Variants in FHIT observed in about 807,000 individuals in gnomAD.
FHIT encodes the protein fragile histidine triad diadenosine triphosphatase, also known as bis(5'-adenosyl)-triphosphatase.
A neutral mutation model predicts 17.9 loss-of-function variants in FHIT; 19 were observed. The ratio of observed to expected loss-of-function variants is 1.06; its 90% CI spans 0.74 to 1.56. FHIT has a LOEUF of 1.56. FHIT is among the 40% of genes most tolerant of loss of function. FHIT has a pLI of 0.00. For synonymous variants in FHIT, 81 were observed against 69.7 expected, an observed-to-expected ratio of 1.16 and a Z score of -0.81; for missense variants, 248 against 189.2, an observed-to-expected ratio of 1.31 and a Z score of -1.82.
chr3:60,884,064 A>G (rs1705098459), intron 3 of FHIT, among the ~76,000 whole-genome samples: 1 of 152,226 alleles, frequency 6.6e-6, no homozygotes, highest in Non-Finnish European at 1.5e-5. Context: ...ACCTGAATAG[A>G]CATTTCTTAA....
intron 2 of FHIT, among the ~76,000 whole-genome samples, chr3:61,145,196 T>C (rs1425672569): frequency 6.6e-6 from 1 of 152,156 alleles, no homozygotes; most frequent in Non-Finnish European, 1.5e-5. Flanking sequence ...ATGATCCATA[T>C]TGAGCTAATT....
chr3:60,789,175 T>TATATATATAG (rs1433649739), intron 4 of FHIT, among the ~76,000 whole-genome samples: 2 of 102,636 alleles, frequency 1.9e-5, no homozygotes, highest in African/African-American at 6.9e-5. Context: ...TATATATATA[T>TATATATATAG]AGAGAGAGAG....
intron 5 of FHIT, among the ~76,000 whole-genome samples, chr3:60,017,372 C>T (rs975072743): frequency 6.6e-6 from 1 of 152,184 alleles, no homozygotes; most frequent in African/African-American, 2.4e-5. Flanking sequence ...TACCAGCTTG[C>T]CTGAACTGGA....
At chr3:60,392,743 G>C (rs1437242720) in intron 5 of FHIT, among the ~76,000 whole-genome samples, 1 of 152,186 alleles carries the variant, frequency 6.6e-6, no homozygotes, top group Non-Finnish European at 1.5e-5. Context: ...TGATCCTGAA[G>C]ATAAAGCATA....
chr3:60,169,201 G>C (rs1057319430), intron 5 of FHIT, among the ~76,000 whole-genome samples: 1 of 152,218 alleles, frequency 6.6e-6, no homozygotes, highest in South Asian at 2.1e-4. Flanking sequence ...TCCTGCCCCC[G>C]TTCCTGCCAC....
Position 60,063,344 on chromosome 3 carries a change from T to G in FHIT, c.104-49192A>C, listed in dbSNP as rs114874148. 4.9e-3 allele frequency among the ~76,000 whole-genome samples: 741 copies of G among 152,298 alleles called. 5 individuals are homozygous for G. The highest frequency in any genetic ancestry group is 0.017 in the African/African-American group (693 of 41,552). The stretch of plus-strand genomic sequence containing the variant: ...AGCAAAATAAAAATCATCTTGTGTT[T>G]CAAGAAACTGATATACTCCAGATAC... On this transcript the variant is annotated intron_variant, in intron 5 of 9. Coordinates refer to ENST00000492590, the MANE Select transcript of FHIT (RefSeq NM_002012.4).
At chr3:61,057,279 C>A (rs565249035) in intron 2 of FHIT, among the ~76,000 whole-genome samples, 2 of 152,198 alleles carry the variant, frequency 1.3e-5, no homozygotes, top group African/African-American at 2.4e-5. Context: ...GAAATTCATA[C>A]CTACTTTTGT....
chr3:60,308,307 C>G (rs1032518236), intron 5 of FHIT, among the ~76,000 whole-genome samples: 8 of 151,012 alleles, frequency 5.3e-5, no homozygotes, highest in African/African-American at 1.9e-4. Flanking sequence ...GGCGATTGAG[C>G]TTACTGCATT....
chr3:61,094,382 C>T (rs1354877860), intron 2 of FHIT, among the ~76,000 whole-genome samples: 1 of 152,150 alleles, frequency 6.6e-6, no homozygotes, highest in Non-Finnish European at 1.5e-5. Context: ...TTCTTTGCAT[C>T]TCACATGCAA....
chr3:61,094,909 T>C (rs1300959464), intron 2 of FHIT, among the ~76,000 whole-genome samples: 1 of 152,214 alleles, frequency 6.6e-6, no homozygotes, highest in East Asian at 1.9e-4. Context: ...TTAAAATTTA[T>C]ACATTGTTTA....
chr3:60,104,066 A>T (rs1403369847), intron 5 of FHIT, among the ~76,000 whole-genome samples: 3 of 152,214 alleles, frequency 2.0e-5, no homozygotes, highest in Non-Finnish European at 4.4e-5. Context: ...GATTTTGAGA[A>T]GAGTGAGGAA....
intron 8 of FHIT, among the ~76,000 whole-genome samples, chr3:59,842,613 T>C (rs1043880830): frequency 1.3e-5 from 2 of 152,190 alleles, no homozygotes; most frequent in Non-Finnish European, 2.9e-5. Context: ...TTAATGGGTA[T>C]GCAGTGATAT....
chr3:59,786,444 T>C (rs1435095185), intron 8 of FHIT, among the ~76,000 whole-genome samples: 1 of 152,220 alleles, frequency 6.6e-6, no homozygotes, highest in Non-Finnish European at 1.5e-5. Context: ...ATCATAACAA[T>C]TCCTTTTTCC....
intron 5 of FHIT, among the ~76,000 whole-genome samples, chr3:60,248,843 C>T (rs963294166): frequency 6.6e-6 from 1 of 152,026 alleles, no homozygotes; most frequent in Non-Finnish European, 1.5e-5. Context: ...GATAAAACCC[C>T]AATACAGAAG....
chr3:60,341,956 T>C (rs951138454), intron 5 of FHIT, among the ~76,000 whole-genome samples: 7 of 151,996 alleles, frequency 4.6e-5, no homozygotes, highest in Admixed American at 1.3e-4. Flanking sequence ...CGTGGACACA[T>C]TGAAGGGTAA....
At chr3:61,133,762 G>T (rs1244976775) in intron 2 of FHIT, among the ~76,000 whole-genome samples, 1 of 152,058 alleles carries the variant, frequency 6.6e-6, no homozygotes. Flanking sequence ...TGAGAGCCAG[G>T]AGAACAACCA....
chr3:59,823,917 T>G (rs192006169), intron 8 of FHIT, among the ~76,000 whole-genome samples: 1 of 152,312 alleles, frequency 6.6e-6, no homozygotes, highest in Admixed American at 6.5e-5. Context: ...TGTCGCTGTT[T>G]GCTGATGATA....
At chr3:60,261,454 A>C (rs1016944700) in intron 5 of FHIT, among the ~76,000 whole-genome samples, 1 of 152,026 alleles carries the variant, frequency 6.6e-6, no homozygotes, top group African/African-American at 2.4e-5. Context: ...CTGTTGATAC[A>C]TTTATTTTAC....
chr3:61,100,804 C>T (rs115892386), intron 2 of FHIT, among the ~76,000 whole-genome samples: 14,256 of 152,194 alleles, frequency 0.094, 748 homozygotes, highest in South Asian at 0.19. Context: ...ATTTTTCTAA[C>T]GACCAGTGAT....
Sources: allele counts gnomAD v4.1 joint callset (sites outside exome capture counted in the v4.1 genomes callset), GRCh38; gene constraint gnomAD v4.1.1; transcripts MANE v1.5; gene names NCBI Gene and HGNC (gene_info 2026-07-23, HGNC 2026-07-21).